RIPOR3: variants seen among roughly 807,000 people sequenced by gnomAD.
The protein encoded by RIPOR3 is family with sequence similarity 65 member C.
RIPOR3 carries 95 observed loss-of-function variants against 114.3 expected under a neutral mutation model. The observed-to-expected ratio is 0.83, with a 90% CI of 0.70 to 0.99. The LOEUF is 0.99. RIPOR3 is among the 50% of genes least tolerant of loss of function. The probability of loss-of-function intolerance (pLI) is 0.00; values close to 1 mark genes in which losing one functional copy is unlikely to be tolerated. For synonymous variants in RIPOR3, 575 were observed against 543.8 expected (o/e 1.06, Z -0.80); for missense variants, 1,252 against 1,266.9 (o/e 0.99, Z 0.18).
chr20:50,651,622 C>A (rs920331107), intron 1 of RIPOR3, among the ~76,000 whole-genome samples: 3 of 152,138 alleles, frequency 2.0e-5, no homozygotes, highest in African/African-American at 7.2e-5. Flanking sequence ...GGCTGTGGAA[C>A]GTTGTCCACA....
intron 19 of RIPOR3, 195 bp from the exon 20 acceptor site, chr20:50,589,964 A>G: frequency 1.9e-6 from 1 of 523,266 alleles, no homozygotes. Flanking sequence ...TGTTTAATTT[A>G]TCCCTAAAAA....
intron 12 of RIPOR3, among the ~76,000 whole-genome samples, chr20:50,604,349 A>C (rs2083618033): frequency 6.6e-6 from 1 of 152,198 alleles, no homozygotes; most frequent in Non-Finnish European, 1.5e-5. Context: ...CACTCTGTCA[A>C]GTACTACTAC....
At position 50,613,560 on chromosome 20, in the gene RIPOR3, G is replaced by C. The variant is rs1228309375; in HGVS notation, c.349-2356C>G. ...GCAACGTCTCAAAAACCAACATCTT[G>C]TTTCAATGAGAACCAGCAGTGTCAT... On this transcript the variant is annotated intron_variant, in intron 4 of 21. Coordinates refer to ENST00000327979, the MANE Select transcript of RIPOR3 (RefSeq NM_001290268.2). Among the ~76,000 whole-genome samples, 3 of 152,210 alleles carry C rather than the reference G, an allele frequency of 2.0e-5. No individual in the cohort carries two copies. In the East Asian group the frequency reaches 5.8e-4, roughly 29 times the overall value.
At position 50,617,011 on chromosome 20, in the gene RIPOR3, A is replaced by G. The variant is rs541497194; in HGVS notation, c.270-931T>C. ...CAAAAACTTAGCCGGGCATGGTGGC[A>G]CACACCTGTAGTCCCAGCTACTCGG... is the stretch of plus-strand genomic sequence containing the variant. On this transcript the variant is annotated intron_variant, in intron 3 of 21. Transcript: ENST00000327979. 9.3e-4 allele frequency among the ~76,000 whole-genome samples: 141 copies of G among 152,306 alleles called. 1 individual carries two copies. The highest frequency in any genetic ancestry group is 1.4e-3 in the African/African-American group (57 of 41,574).
intron 1 of RIPOR3, among the ~76,000 whole-genome samples, chr20:50,666,313 C>G (rs1319300028): frequency 6.8e-6 from 1 of 147,904 alleles, no homozygotes; most frequent in East Asian, 2.0e-4. Flanking sequence ...CAATCTCCGT[C>G]TCCCGGGTTC....
Position 50,608,955 on chromosome 20 carries a change from C to A in RIPOR3, c.641G>T (p.Gly214Val). ...ACAGAGGCGTGCGTAGCCCACCAAG[C>A]CTGGAACACAGACATGGCCGGTCTC... ...HLGEFHIRMKGLVGYARLCPG... is the reference protein window; with the variant it reads ...HLGEFHIRMKVLVGYARLCPG... Residue 214 changes from glycine (G) to valine (V), a missense_variant and splice_region_variant, in exon 9 of 22, where the codon GGC becomes GTC. By Grantham distance (109) the Gly-to-Val change is moderately radical (BLOSUM62 -3). Coordinates refer to ENST00000327979, the MANE Select transcript of RIPOR3 (RefSeq NM_001290268.2). 6.3e-7 allele frequency: 1 copy of A among 1,580,278 alleles called. No individual in the cohort carries two copies. Among genetic ancestry groups the A allele is most frequent in the Non-Finnish European group, 8.6e-7 (1 of 1,163,616 alleles).
chr20:50,606,892 G>T (rs1322336499), intron 11 of RIPOR3, among the ~76,000 whole-genome samples: 1 of 152,138 alleles, frequency 6.6e-6, no homozygotes, highest in Non-Finnish European at 1.5e-5. Context: ...ACCACGCCTG[G>T]CTAATTTTTG....
intron 2 of RIPOR3, among the ~76,000 whole-genome samples, chr20:50,622,449 T>C (rs2084449747): frequency 6.6e-6 from 1 of 152,128 alleles, no homozygotes; most frequent in African/African-American, 2.4e-5. Context: ...CCCAAAGTAC[T>C]AGGATTACAG....
At chr20:50,680,518 CAT>C (rs1413840457) in intron 1 of RIPOR3, among the ~76,000 whole-genome samples, 1 of 152,248 alleles carries the variant, frequency 6.6e-6, no homozygotes, top group Non-Finnish European at 1.5e-5. Context: ...CCCTAAAAAA[CAT>C]AAACATGCTT....
intron 1 of RIPOR3, among the ~76,000 whole-genome samples, chr20:50,634,608 G>T (rs894983151): frequency 6.6e-6 from 1 of 152,220 alleles, no homozygotes; most frequent in Non-Finnish European, 1.5e-5. Context: ...AAAGGTTGAC[G>T]CTGCTTCCCC....
In RIPOR3 at chr20:50,602,168, C is replaced by A; in HGVS notation, c.1563G>T (p.Leu521=). 1 of 1,613,030 alleles carries A rather than the reference C, an allele frequency of 6.2e-7. No homozygotes were observed. Among genetic ancestry groups the A allele is most frequent in the Non-Finnish European group, 8.5e-7 (1 of 1,179,756 alleles). ...DGPGVALEGP[L]QEVLELLRPT... ...GCCTCAGCAACTCCAGGACCTCCTG[C>A]AGAGGCCCCTCGAGGGCCACGCCAG... Residue 521 remains leucine (L), a synonymous_variant, in exon 13 of 22, where the codon CTG becomes CTT. Transcript: ENST00000327979. The surrounding 1 kb of genome is among the most constrained non-coding windows in gnomAD (Gnocchi z 4.3).
intron 11 of RIPOR3, among the ~76,000 whole-genome samples, chr20:50,606,176 A>C (rs1421124609): frequency 1.3e-5 from 2 of 152,216 alleles, no homozygotes; most frequent in African/African-American, 4.8e-5. Flanking sequence ...ATTGCACTCC[A>C]GCCTGGGCGA....
intron 1 of RIPOR3, among the ~76,000 whole-genome samples, chr20:50,655,770 T>C (rs1009017605): frequency 2.0e-5 from 3 of 151,976 alleles, no homozygotes; most frequent in African/African-American, 7.3e-5. Flanking sequence ...TCTGCTCTTC[T>C]TTAACCAGAA....
In RIPOR3 at chr20:50,602,704, C is replaced by A; in HGVS notation, c.1087-60G>T. 1 of 1,311,658 alleles carries A rather than the reference C, an allele frequency of 7.6e-7. No homozygotes were observed. Among genetic ancestry groups the A allele is most frequent in the Non-Finnish European group, 1.0e-6 (1 of 1,000,094 alleles). 81.3% of individuals were successfully genotyped at this position (1,311,658 alleles called of 1,614,324 possible). ...ACCCCAGGGACCACAGCAAGTCCCC[C>A]AGAGGGGCTTCCCCTGACAGACACC... On this transcript the variant is annotated intron_variant, in intron 12 of 21. Coordinates refer to ENST00000327979, the MANE Select transcript of RIPOR3 (RefSeq NM_001290268.2). The surrounding 1 kb of genome is among the most constrained non-coding windows in gnomAD (Gnocchi z 4.3).
Position 50,602,326 on chromosome 20 carries a change from C to T in RIPOR3, c.1405G>A (p.Glu469Lys). The T allele has an allele frequency of 6.2e-7, 1 of 1,613,934 alleles. No homozygotes were observed. Residue 469 changes from glutamate to lysine, a missense_variant, in exon 13 of 22, where the codon GAG becomes AAG. Physicochemically the swap from Glu to Lys is moderately conservative, Grantham distance 56. Transcript: ENST00000327979. This position sits in a 1 kb window ranked among gnomAD's most constrained non-coding sequence, Gnocchi z 4.3. ...CCTAAGTTCCTCCAGCCAGGCTGCT[C>T]TGCAAACGGGCCTCCAGAGAGGTGG... The part of the protein sequence containing the change: ...MAHLSGGPFA[E>K]QPGWRNLGGE...
At chr20:50,659,894 T>C (rs2085938476) in intron 1 of RIPOR3, 1 of 152,156 alleles carries the variant, frequency 6.6e-6, no homozygotes, top group Non-Finnish European at 1.5e-5. Flanking sequence ...CCACATGGTC[T>C]GGCCACTGAT....
intron 1 of RIPOR3, among the ~76,000 whole-genome samples, chr20:50,636,096 T>G (rs1220732857): frequency 6.6e-6 from 1 of 152,150 alleles, no homozygotes; most frequent in African/African-American, 2.4e-5. Flanking sequence ...CTGGGCCTGG[T>G]GGGGCTGATC....
chr20:50,647,212 T>G (rs991603613), intron 1 of RIPOR3, among the ~76,000 whole-genome samples: 8 of 151,864 alleles, frequency 5.3e-5, no homozygotes, highest in Non-Finnish European at 8.8e-5. Flanking sequence ...CCCAGCTACT[T>G]GGGAGGCTGA....
intron 1 of RIPOR3, among the ~76,000 whole-genome samples, chr20:50,633,945 C>A (rs1366890689): frequency 6.8e-6 from 1 of 147,048 alleles, no homozygotes; most frequent in African/African-American, 2.5e-5. Flanking sequence ...ACACATATTT[C>A]TTTCTTTATT....
Sources: allele counts gnomAD v4.1 joint callset (sites outside exome capture counted in the v4.1 genomes callset), GRCh38; gene constraint gnomAD v4.1.1; non-coding constraint Gnocchi (gnomAD v3.1); transcripts MANE v1.5; gene names NCBI Gene and HGNC (gene_info 2026-07-23, HGNC 2026-07-21).